Variants in SGCG observed in about 807,000 individuals in gnomAD.
The protein encoded by SGCG is gamma-sarcoglycan.
A neutral mutation model predicts 29.3 loss-of-function variants in SGCG; 26 were observed. That is an observed-to-expected ratio of 0.89 (90% CI 0.65 to 1.23). SGCG has a LOEUF of 1.23. Among genes scored for constraint, SGCG ranks in the 50% most tolerant of loss-of-function variants. The probability of loss-of-function intolerance (pLI) is 0.00; values close to 1 mark genes in which losing one functional copy is unlikely to be tolerated. For missense variants in SGCG, 353 were observed against 356.0 expected (o/e 0.99, Z 0.07); for synonymous variants, 145 against 129.7 (o/e 1.12, Z -0.80).
chr13:23,238,150 T>A (rs1879379710), intron 3 of SGCG, among the ~76,000 whole-genome samples: 1 of 152,154 alleles, frequency 6.6e-6, no homozygotes, highest in East Asian at 1.9e-4. Flanking sequence ...ACTCACTGCA[T>A]GAAGAGAGTT....
chr13:23,195,073 A>G (rs551319254), intron 1 of SGCG, among the ~76,000 whole-genome samples: 2 of 152,332 alleles, frequency 1.3e-5, no homozygotes, highest in African/African-American at 2.4e-5. Context: ...GTAGGTATAA[A>G]TCATGCCAAG....
chr13:23,253,676 G>A (rs7995077), intron 4 of SGCG, among the ~76,000 whole-genome samples: 63,812 of 152,050 alleles, frequency 0.42, 13,704 homozygotes, highest in Middle Eastern at 0.55. Context: ...TTGGATGTGC[G>A]TCCCCTCCAA....
intron 4 of SGCG, among the ~76,000 whole-genome samples, chr13:23,270,361 T>C (rs1880825140): frequency 6.6e-6 from 1 of 152,224 alleles, no homozygotes; most frequent in African/African-American, 2.4e-5. Flanking sequence ...GTGTCTAAAT[T>C]ATTTCCAGTC....
rs568139463 is a variant in SGCG, at chr13:23,282,514, G to A, written c.505+3036G>A. Reference sequence around the variant, plus strand: ...CACCCTTCAGTAAGCCTCAGTGTGTGTTGTTCTCCTCTATGTGTCCACATG... The same window carrying A: ...CACCCTTCAGTAAGCCTCAGTGTGTATTGTTCTCCTCTATGTGTCCACATG... On this transcript the variant is annotated intron_variant, in intron 5 of 7. Transcript: ENST00000218867. Among the ~76,000 whole-genome samples, 106 of 152,230 alleles carry A rather than the reference G, an allele frequency of 7.0e-4. 2 individuals carry two copies. The highest frequency in any genetic ancestry group is 1.0e-3 in the Non-Finnish European group (68 of 68,006).
chr13:23,324,615 G>C lies in SGCG; in HGVS notation c.*74G>C, dbSNP rs1883166935. The stretch of plus-strand genomic sequence containing the variant: ...CACACCCAGGGAGCAGCTGCACATC[G>C]TGAAAGACTGAGGCAGCGTGGATGG... On this transcript the variant is annotated 3_prime_UTR_variant, in exon 8 of 8. Coordinates refer to ENST00000218867, the MANE Select transcript of SGCG (RefSeq NM_000231.3). The C allele has an allele frequency of 1.5e-6, 2 of 1,342,888 alleles. No individual in the cohort carries two copies. The highest frequency in any genetic ancestry group is 1.7e-5 in the Admixed American group (1 of 57,908). The allele number at this position is 1,342,888 out of a possible 1,614,324, so 83.2% of individuals were successfully genotyped here. A position where few individuals can be genotyped will look rare whatever the true frequency, so the allele number is the denominator to read the frequency against.
At chr13:23,210,144 T>C (rs1250166790) in intron 2 of SGCG, among the ~76,000 whole-genome samples, 1 of 152,236 alleles carries the variant, frequency 6.6e-6, no homozygotes, top group East Asian at 1.9e-4. Flanking sequence ...AATCTAATCA[T>C]GTATGTTTTA....
rs145486930 is a variant in SGCG, at chr13:23,234,558, T to C, written c.196-53T>C. The C allele has an allele frequency of 8.4e-5, 104 of 1,235,946 alleles. 1 individual carries two copies. In the East Asian group the frequency reaches 2.3e-3, roughly 27 times the overall value. The allele number at this position is 1,235,946 out of a possible 1,614,324, so 76.6% of individuals were successfully genotyped here. On this transcript the variant is annotated intron_variant, in intron 2 of 7. Transcript: ENST00000218867. ...TGATTTAAGTCAATATTAAGAGGAA[T>C]GAAAAAGCAAGCAATAAAAATATAC... is the stretch of plus-strand genomic sequence containing the variant.
chr13:23,319,624 C>T (rs1291339425), intron 6 of SGCG, among the ~76,000 whole-genome samples: 1 of 152,200 alleles, frequency 6.6e-6, no homozygotes, highest in Non-Finnish European at 1.5e-5. Flanking sequence ...GTACTTCTCT[C>T]TTAAGCCACT....
At chr13:23,292,535 C>T (rs1253088359) in intron 5 of SGCG, among the ~76,000 whole-genome samples, 1 of 152,148 alleles carries the variant, frequency 6.6e-6, no homozygotes, top group Non-Finnish European at 1.5e-5. Context: ...TTTATTTTGA[C>T]CCAACACTGT....
intron 2 of SGCG, among the ~76,000 whole-genome samples, chr13:23,230,729 T>C (rs139673969): frequency 1.2e-3 from 190 of 152,332 alleles, no homozygotes; most frequent in Non-Finnish European, 1.4e-3. Flanking sequence ...GTCATCTGCA[T>C]ACAGGATTAC....
chr13:23,188,512 A>G (rs1253527031), intron 1 of SGCG, among the ~76,000 whole-genome samples: 1 of 114,856 alleles, frequency 8.7e-6, no homozygotes, highest in African/African-American at 3.3e-5. Flanking sequence ...TGGGACAGGT[A>G]TTCACCATGT....
At chr13:23,260,500 A>G (rs1036981630) in intron 4 of SGCG, among the ~76,000 whole-genome samples, 3 of 152,060 alleles carry the variant, frequency 2.0e-5, no homozygotes, top group East Asian at 1.9e-4. Context: ...TCTTTATCCA[A>G]TTTGCCAGTC....
At chr13:23,192,149 T>C (rs1300227516) in intron 1 of SGCG, among the ~76,000 whole-genome samples, 1 of 134,568 alleles carries the variant, frequency 7.4e-6, no homozygotes, top group African/African-American at 2.8e-5. Context: ...CACTCCAGCC[T>C]GGGCGACAGA....
At chr13:23,309,094 A>G (rs1010546685) in intron 6 of SGCG, among the ~76,000 whole-genome samples, 2 of 152,136 alleles carry the variant, frequency 1.3e-5, no homozygotes, top group African/African-American at 4.8e-5. Context: ...CAGGGTGTTT[A>G]TAGTTTTTGT....
At chr13:23,318,137 G>A (rs1331328628) in intron 6 of SGCG, among the ~76,000 whole-genome samples, 2 of 152,034 alleles carry the variant, frequency 1.3e-5, no homozygotes. Flanking sequence ...AGCCTATTGT[G>A]GGACCTTGTG....
intron 3 of SGCG, 146 bp downstream of exon 3, chr13:23,234,858 A>G (rs1879250106): frequency 1.6e-6 from 1 of 636,774 alleles, no homozygotes; most frequent in East Asian, 2.7e-5. Context: ...AAGCTTGACT[A>G]TTGCAGAATT....
chr13:23,183,625 A>G (rs1593159081), intron 1 of SGCG, among the ~76,000 whole-genome samples: 2 of 152,302 alleles, frequency 1.3e-5, no homozygotes, highest in African/African-American at 2.4e-5. Context: ...CTTTTCTTCA[A>G]CATTTTTGAT....
chr13:23,173,577 T>C, the SGCG span, among the ~76,000 whole-genome samples: 2 of 152,208 alleles, frequency 1.3e-5, no homozygotes, highest in Non-Finnish European at 2.9e-5. Flanking sequence ...TTCCTCCAAA[T>C]TTACTTTATG....
intron 2 of SGCG, among the ~76,000 whole-genome samples, chr13:23,227,595 T>C (rs1421149231): frequency 2.0e-5 from 3 of 152,140 alleles, no homozygotes; most frequent in South Asian, 4.2e-4. Flanking sequence ...AACTCACCCA[T>C]AGAAAGAAAC....
Sources: gnomAD v4.1 joint callset for allele counts (sites outside exome capture counted in the v4.1 genomes callset) on GRCh38, gnomAD v4.1.1 for gene constraint, MANE v1.5 for transcripts, NCBI Gene and HGNC (gene_info 2026-07-23, HGNC 2026-07-21) for gene names.